The following PRDM16 variants were observed in gnomAD, a reference collection of about 807,000 sequenced individuals.
PRDM16 encodes histone-lysine N-methyltransferase PRDM16.
Under a neutral mutation model 110.6 loss-of-function variants are expected in PRDM16, and 23 were observed. The ratio of observed to expected loss-of-function variants is 0.21; its 90% confidence interval spans 0.15 to 0.29. PRDM16 has a LOEUF of 0.29. PRDM16 is among the 10% of genes least tolerant of loss of function. The pLI, the probability that PRDM16 is intolerant of heterozygous loss-of-function variation, is 1.00. For missense variants in PRDM16, 1,615 were observed against 1,794.3 expected (o/e 0.90, Z 1.81); for synonymous variants, 799 against 781.8 (o/e 1.02, Z -0.37).
At position 3,350,180 on chromosome 1, in the gene PRDM16, G is replaced by A. The variant is rs1642454638; in HGVS notation, c.439-34972G>A. Among the ~76,000 whole-genome samples, 1 of 152,202 alleles carries A rather than the reference G, an allele frequency of 6.6e-6. No homozygotes were observed. Among genetic ancestry groups the A allele is most frequent in the African/African-American group, 2.4e-5 (1 of 41,450 alleles). On this transcript the variant is annotated intron_variant, in intron 3 of 16. Coordinates refer to ENST00000270722, the MANE Select transcript of PRDM16 (RefSeq NM_022114.4). The surrounding 1 kb of genome is among the most constrained non-coding windows in gnomAD (Gnocchi z 7.1). ...ATCTCTACAAAAAATACAAAAATTA[G>A]CCTGATGTGATGGCATGTGCTGGTA...
chr1:3,115,266 A>G (rs527308387), intron 1 of PRDM16, among the ~76,000 whole-genome samples: 1 of 152,232 alleles, frequency 6.6e-6, no homozygotes, highest in Non-Finnish European at 1.5e-5. Flanking sequence ...GACCCCAGCC[A>G]GCCCCAGCTG....
intron 1 of PRDM16, among the ~76,000 whole-genome samples, chr1:3,110,657 A>T (rs1237756094): frequency 6.6e-6 from 1 of 152,222 alleles, no homozygotes; most frequent in Non-Finnish European, 1.5e-5. Context: ...CATGCAAATC[A>T]TTATCTAAAG....
rs181929965 is a variant in PRDM16 at position 3,265,754 on chromosome 1, C to A, written c.438+21617C>A. Among the ~76,000 whole-genome samples the A allele has an allele frequency of 6.8e-4, 104 of 152,272 alleles. No individual in the cohort carries two copies. Among genetic ancestry groups the A allele is most frequent in the African/African-American group, 2.2e-3 (93 of 41,540 alleles). On this transcript the variant is annotated intron_variant, in intron 3 of 16. Transcript: ENST00000270722. The surrounding 1 kb of genome is among the most constrained non-coding windows in gnomAD (Gnocchi z 4.5). Reference sequence around the variant, plus strand: ...GAGGTCACAGTTAGCCCCAGCCAGACAGGCATTATCCAGCTGGCACCTCAC... The same window carrying A: ...GAGGTCACAGTTAGCCCCAGCCAGAAAGGCATTATCCAGCTGGCACCTCAC...
In PRDM16 at chr1:3,410,242, G is replaced by A. The variant is rs578260658; in HGVS notation, c.1187-1142G>A. On this transcript the variant is annotated intron_variant, in intron 8 of 16. Transcript: ENST00000270722. ...GAGGCAAAAGACAAGCTGGTGATTC[G>A]CTGACAACCGTTCACAGGCCTTTAG... is the stretch of plus-strand genomic sequence containing the variant. 2.2e-4 allele frequency among the ~76,000 whole-genome samples: 33 copies of A among 152,138 alleles called. 1 individual carries two copies. The South Asian group carries it at 5.8e-3, about 27-fold the overall frequency.
At chr1:3,253,210 TA>T (rs1639975045) in intron 3 of PRDM16, among the ~76,000 whole-genome samples, 2 of 151,788 alleles carry the variant, frequency 1.3e-5, no homozygotes, top group African/African-American at 2.4e-5. Flanking sequence ...TTAATTTAAT[TA>T]TTATTATTAT....
intron 1 of PRDM16, among the ~76,000 whole-genome samples, chr1:3,095,690 C>T (rs1014644210): frequency 2.0e-5 from 3 of 152,080 alleles, no homozygotes; most frequent in Non-Finnish European, 2.9e-5. Flanking sequence ...CAGTGTGTGC[C>T]GTGGGCAGCC....
intron 3 of PRDM16, among the ~76,000 whole-genome samples, chr1:3,381,324 G>A (rs753983405): frequency 6.6e-6 from 1 of 151,242 alleles, no homozygotes; most frequent in Non-Finnish European, 1.5e-5. Context: ...GACACGGATT[G>A]TTTTTCCAGG....
chr1:3,430,842 CTCAG>C (rs1557672727), intron 14 of PRDM16, 26 bp from the exon 15 acceptor site: 3 of 1,609,894 alleles, frequency 1.9e-6, no homozygotes, highest in Admixed American at 1.7e-5. Flanking sequence ...GACACCCAAA[CTCAG>C]TCAATCTCCT....
At chr1:3,420,979 A>G (rs1572040) in intron 12 of PRDM16, among the ~76,000 whole-genome samples, 133,032 of 152,104 alleles carry the variant, frequency 0.87, 58,281 homozygotes, top group East Asian at 1. Flanking sequence ...CTGACTCCCT[A>G]GTCTGCCGTG....
intron 16 of PRDM16, among the ~76,000 whole-genome samples, chr1:3,433,065 C>T (rs536556669): frequency 6.6e-6 from 1 of 152,326 alleles, no homozygotes; most frequent in South Asian, 2.1e-4. Flanking sequence ...TTCCCAGGGC[C>T]GTCCCAAACC....
intron 3 of PRDM16, among the ~76,000 whole-genome samples, chr1:3,327,927 C>A (rs1289620241): frequency 6.6e-6 from 1 of 152,238 alleles, no homozygotes; most frequent in East Asian, 1.9e-4. Context: ...TGACCTCACC[C>A]ACAGCACAGA....
chr1:3,208,889 G>C lies in PRDM16; in HGVS notation c.387+22415G>C, dbSNP rs1056287410. On this transcript the variant is annotated intron_variant, in intron 2 of 16. Transcript: ENST00000270722. The surrounding 1 kb of genome is among the most constrained non-coding windows in gnomAD (Gnocchi z 6.1). The stretch of plus-strand genomic sequence containing the variant: ...TCCAGAGGCCCCCCCAGGTCCCCAC[G>C]AGTGGGTGGAAAGTCTTGGGGACAG... 1.1e-4 allele frequency among the ~76,000 whole-genome samples: 17 copies of C among 152,116 alleles called. No homozygotes were observed. The highest frequency in any genetic ancestry group is 2.5e-4 in the Non-Finnish European group (17 of 68,024).
intron 1 of PRDM16, among the ~76,000 whole-genome samples, chr1:3,074,424 TGTGTGCGC>T (rs900848847): frequency 9.2e-5 from 14 of 151,994 alleles, no homozygotes; most frequent in African/African-American, 2.9e-4. Context: ...TGTGTGTGTG[TGTGTGCGC>T]GTGTGTGTGT....
Position 3,437,922 on chromosome 1 carries a change from G to A in PRDM16, c.*4111G>A, listed in dbSNP as rs997699674. 4 of 220,016 alleles carry A rather than the reference G, an allele frequency of 1.8e-5. No individual in the cohort carries two copies. Among genetic ancestry groups the A allele is most frequent in the South Asian group, 1.9e-4 (1 of 5,398 alleles). The allele number at this position is 220,016 out of a possible 1,614,324, so 13.6% of individuals were successfully genotyped here. A position where few individuals can be genotyped will look rare whatever the true frequency, so the allele number is the denominator to read the frequency against. On this transcript the variant is annotated 3_prime_UTR_variant, in exon 17 of 17. Coordinates refer to ENST00000270722, the MANE Select transcript of PRDM16 (RefSeq NM_022114.4). ...CAGAGTCGTAATTTAAAGCGTGTGT[G>A]TATATGGACTTTGTCCCTTAAGGTC...
chr1:3,435,320 T>C lies in PRDM16; in HGVS notation c.*1509T>C, dbSNP rs1481831682. The C allele has an allele frequency of 4.4e-6, 1 of 228,226 alleles. No individual in the cohort carries two copies. The highest frequency in any genetic ancestry group is 8.7e-6 in the Non-Finnish European group (1 of 115,020). The allele number at this position is 228,226 out of a possible 1,614,324, so 14.1% of individuals were successfully genotyped here. ...ACATTCTTATTGTGAAGAAATAATG[T>C]TAATATAAGTATCTGGTGAAGGACC... On this transcript the variant is annotated 3_prime_UTR_variant, in exon 17 of 17. Coordinates refer to ENST00000270722, the MANE Select transcript of PRDM16 (RefSeq NM_022114.4).
chr1:3,370,931 A>T lies in PRDM16; in HGVS notation c.439-14221A>T, dbSNP rs1045407033. On this transcript the variant is annotated intron_variant, in intron 3 of 16. Transcript: ENST00000270722. This position sits in a 1 kb window ranked among gnomAD's most constrained non-coding sequence, Gnocchi z 4.8. ...CCATCCATCCATGCATCCACTGAATAATCCACCCATTCATCCATTCACCAT... is the reference window on the plus strand; with the variant it reads ...CCATCCATCCATGCATCCACTGAATTATCCACCCATTCATCCATTCACCAT... 6.9e-6 allele frequency among the ~76,000 whole-genome samples: 1 copy of T among 143,956 alleles called. No homozygotes were observed. Among genetic ancestry groups the T allele is most frequent in the Non-Finnish European group, 1.5e-5 (1 of 65,932 alleles). The allele number at this position is 143,956 out of a possible 152,430, so 94.4% of individuals were successfully genotyped here.
At chr1:3,224,463 C>A (rs1023499707) in intron 2 of PRDM16, among the ~76,000 whole-genome samples, 22 of 152,292 alleles carry the variant, frequency 1.4e-4, no homozygotes, top group Non-Finnish European at 3.1e-4. Flanking sequence ...CTCTCCCCTT[C>A]CGCATGTGCC....
At chr1:3,125,477 C>T (rs1253678063) in intron 1 of PRDM16, among the ~76,000 whole-genome samples, 1 of 152,258 alleles carries the variant, frequency 6.6e-6, no homozygotes, top group Non-Finnish European at 1.5e-5. Flanking sequence ...TCAGCGGCTG[C>T]TGGGCTGTTC....
rs548031611 is a variant in PRDM16, at chr1:3,087,243, G to T, written c.37+17947G>T. Among the ~76,000 whole-genome samples the T allele has an allele frequency of 1.5e-4, 11 of 72,902 alleles. No homozygotes were observed. The East Asian group carries it at 1.5e-3, about 10-fold the overall frequency. The allele number at this position is 72,902 out of a possible 152,430, so 47.8% of individuals were successfully genotyped here. A position where few individuals can be genotyped will look rare whatever the true frequency, so the allele number is the denominator to read the frequency against. On this transcript the variant is annotated intron_variant, in intron 1 of 16. Transcript: ENST00000270722. ...AGCCCCACCCGAGACCAGCCCCACCGGAGACCAGCCCCACCTGAGACCAGC... is the reference window on the plus strand; with the variant it reads ...AGCCCCACCCGAGACCAGCCCCACCTGAGACCAGCCCCACCTGAGACCAGC...
Sources: allele counts gnomAD v4.1 joint callset (sites outside exome capture counted in the v4.1 genomes callset), GRCh38; gene constraint gnomAD v4.1.1; non-coding constraint Gnocchi (gnomAD v3.1); transcripts MANE v1.5; gene names NCBI Gene and HGNC (gene_info 2026-07-23, HGNC 2026-07-21).